CLIP1: variants seen among roughly 807,000 people sequenced by gnomAD.
CLIP1 encodes the protein CAP-Gly domain-containing linker protein 1.
In CLIP1, 66 loss-of-function variants were observed where a neutral mutation model predicts 161.6. That is an observed-to-expected ratio of 0.41 (90% CI 0.33 to 0.50). CLIP1 has a LOEUF of 0.50. Among genes scored for constraint, CLIP1 ranks in the 20% least tolerant of loss-of-function variants. The pLI is 0.27. For synonymous variants in CLIP1, 598 were observed against 626.2 expected, an observed-to-expected ratio of 0.96 and a Z score of 0.67; for missense variants, 1,376 against 1,702.0, an observed-to-expected ratio of 0.81 and a Z score of 3.37.
intron 1 of CLIP1, among the ~76,000 whole-genome samples, chr12:122,382,314 T>C (rs1955041725): frequency 6.6e-6 from 1 of 151,622 alleles, no homozygotes; most frequent in Non-Finnish European, 1.5e-5. Flanking sequence ...TGAGCCCAGG[T>C]TGTGCCATTG....
chr12:122,332,987 C>T lies in CLIP1; in HGVS notation c.2867G>A (p.Arg956Lys). ...CACTCTTTTCAACAGTCACATATAC[C>T]TTTCTTTCAGACGTAATTCATCGTT... ...KMNDELRLKERDVEELQLKLT... is the reference protein window; with the variant it reads ...KMNDELRLKEKDVEELQLKLT... The change falls in exon 15 of 26, where the codon AGA (arginine) becomes AAA (lysine). Residue 956 changes from arginine (R) to lysine (K), a missense_variant and splice_region_variant. Physicochemically the swap from Arg to Lys is conservative, Grantham distance 26. Around this residue, in one of 6 missense-constraint regions of CLIP1, gnomAD observed 948 missense variants for 1,134.8 expected, o/e 0.84. Coordinates refer to ENST00000620786, the MANE Select transcript of CLIP1 (RefSeq NM_001247997.2). The T allele has an allele frequency of 6.2e-7, 1 of 1,612,670 alleles. No homozygotes were observed. The highest frequency in any genetic ancestry group is 8.5e-7 in the Non-Finnish European group (1 of 1,179,448).
At chr12:122,421,534 TCA>T (rs374656824) in intron 1 of CLIP1, among the ~76,000 whole-genome samples, 2 of 152,052 alleles carry the variant, frequency 1.3e-5, no homozygotes, top group African/African-American at 4.8e-5. Context: ...GGCTGCTGAA[TCA>T]CACACACACA....
rs185931363 is a variant in CLIP1, at chr12:122,299,307, G to A, written c.3594+10455C>T. Among the ~76,000 whole-genome samples the A allele has an allele frequency of 4.4e-3, 669 of 152,154 alleles. 4 individuals carry two copies. Among genetic ancestry groups the A allele is most frequent in the South Asian group, 0.029 (138 of 4,820 alleles). On this transcript the variant is annotated intron_variant, in intron 20 of 25. Transcript: ENST00000620786. The stretch of plus-strand genomic sequence containing the variant: ...ACAAAACCCCTCAAAAGCCAGAGAG[G>A]TTAAGAGGATTCTAGAGAAGTCTAG...
intron 1 of CLIP1, among the ~76,000 whole-genome samples, chr12:122,413,475 TA>T (rs1956614791): frequency 6.6e-6 from 1 of 152,146 alleles, no homozygotes; most frequent in Non-Finnish European, 1.5e-5. Context: ...TTTTAAGTGT[TA>T]AAAAGGGGCA....
At chr12:122,309,718 A>T (rs1170711718) in intron 20 of CLIP1, 44 bp downstream of exon 20, 1 of 1,609,726 alleles carries the variant, frequency 6.2e-7, no homozygotes, top group Admixed American at 1.7e-5. Context: ...CAGCAGCAGC[A>T]CCCAGCATGG....
intron 3 of CLIP1, among the ~76,000 whole-genome samples, chr12:122,372,527 C>T (rs971347368): frequency 1.3e-5 from 2 of 150,424 alleles, no homozygotes; most frequent in East Asian, 3.9e-4. Context: ...GCAGAGGATG[C>T]AGTGAACTGA....
chr12:122,412,641 C>A (rs1026546777), intron 1 of CLIP1, among the ~76,000 whole-genome samples: 10 of 151,766 alleles, frequency 6.6e-5, no homozygotes, highest in Non-Finnish European at 1.5e-4. Context: ...GGTGACAGAG[C>A]GAGACTCCGT....
At chr12:122,360,930 G>A in intron 5 of CLIP1, 29 bp downstream of exon 5, 1 of 1,564,496 alleles carries the variant, frequency 6.4e-7, no homozygotes, top group Non-Finnish European at 8.7e-7. Context: ...CCTGGGAAGT[G>A]GAGGCAGGTA....
intron 1 of CLIP1, among the ~76,000 whole-genome samples, chr12:122,391,737 T>C (rs1050370244): frequency 3.3e-5 from 5 of 152,192 alleles, no homozygotes; most frequent in Non-Finnish European, 5.9e-5. Flanking sequence ...CTACCCTTCA[T>C]AAAGTCAAGA....
intron 2 of CLIP1, among the ~76,000 whole-genome samples, chr12:122,379,127 AAAAAC>A (rs1420219621): frequency 1.3e-5 from 2 of 151,636 alleles, no homozygotes; most frequent in Non-Finnish European, 2.9e-5. Flanking sequence ...CTCCGTCTCA[AAAAAC>A]AAAACAAAAC....
chr12:122,332,599 T>C (rs1952027898), intron 15 of CLIP1, among the ~76,000 whole-genome samples: 2 of 152,020 alleles, frequency 1.3e-5, no homozygotes, highest in African/African-American at 4.8e-5. Context: ...TTTTGTATTT[T>C]TAGTGGAGAC....
At chr12:122,301,090 G>A (rs1315634983) in intron 20 of CLIP1, among the ~76,000 whole-genome samples, 1 of 152,046 alleles carries the variant, frequency 6.6e-6, no homozygotes, top group Non-Finnish European at 1.5e-5. Context: ...CAGAGGAATC[G>A]TTCCAGATTA....
rs570069204 is a variant in CLIP1 at position 122,362,303 on chromosome 12, C to T, written c.783-1122G>A. ...AAAAAAAAAATCTACCCAAACTTAA[C>T]TGTAGAGAAATATAAATACAAAATG... On this transcript the variant is annotated intron_variant, in intron 4 of 25. Transcript: ENST00000620786. Among the ~76,000 whole-genome samples the T allele has an allele frequency of 7.0e-4, 106 of 151,404 alleles. 1 individual carries two copies. The highest frequency in any genetic ancestry group is 3.4e-3 in the Middle Eastern group (1 of 292).
chr12:122,279,038 A>G lies in CLIP1; in HGVS notation c.3755T>C (p.Leu1252Pro). 2 of 1,611,622 alleles carry G rather than the reference A, an allele frequency of 1.2e-6. No individual in the cohort carries two copies. Among genetic ancestry groups the G allele is most frequent in the Non-Finnish European group, 1.7e-6 (2 of 1,179,304 alleles). The change falls in exon 22 of 26, where the codon CTG becomes CCG. Residue 1252 changes from leucine to proline, a missense_variant. Leu to Pro is a moderately conservative substitution (Grantham distance 98). Around this residue, in one of 6 missense-constraint regions of CLIP1, gnomAD observed 948 missense variants for 1,134.8 expected, o/e 0.84. Transcript: ENST00000620786. This position sits in a 1 kb window ranked among gnomAD's most constrained non-coding sequence, Gnocchi z 4.5. ...TGGGTGGTACTCTACCTCATTTCTC[A>G]GTTTCTCCAGCTCGGCATCCTTTTC... ...LTEKDAELEK[L>P]RNEVTVLRGE...
At chr12:122,356,908 G>A (rs571263289) in intron 5 of CLIP1, among the ~76,000 whole-genome samples, 1 of 152,376 alleles carries the variant, frequency 6.6e-6, no homozygotes, top group African/African-American at 2.4e-5. Context: ...CCGAGGTGCC[G>A]AGATTGCAGA....
chr12:122,387,771 G>T (rs28546900), intron 1 of CLIP1, among the ~76,000 whole-genome samples: 18 of 150,918 alleles, frequency 1.2e-4, no homozygotes, highest in African/African-American at 4.1e-4. Context: ...TTTTTTTGTA[G>T]AAGTGCGGTC....
At chr12:122,418,221 C>T (rs532994796) in intron 1 of CLIP1, among the ~76,000 whole-genome samples, 5 of 152,234 alleles carry the variant, frequency 3.3e-5, no homozygotes, top group South Asian at 4.1e-4. Flanking sequence ...ACCTGGCACA[C>T]GGTACATGCT....
chr12:122,307,128 T>C (rs376754869), intron 20 of CLIP1, among the ~76,000 whole-genome samples: 2 of 150,302 alleles, frequency 1.3e-5, no homozygotes, highest in Non-Finnish European at 1.5e-5. Context: ...TCTCCCTCAG[T>C]ATCCCGAGTA....
rs189729791 is a variant in CLIP1, at chr12:122,394,260, C to T, written c.-106-13702G>A. On this transcript the variant is annotated intron_variant, in intron 1 of 25. Coordinates refer to ENST00000620786, the MANE Select transcript of CLIP1 (RefSeq NM_001247997.2). ...ATCCCAGTACTTTGGGAGACTGAGG[C>T]GGGCGGATCACTTGAGGTGAGTTTG... Among the ~76,000 whole-genome samples the T allele has an allele frequency of 2.0e-3, 303 of 151,980 alleles. 1 individual carries two copies. Among genetic ancestry groups the T allele is most frequent in the African/African-American group, 6.8e-3 (281 of 41,472 alleles).
Sources: gnomAD v4.1 joint callset for allele counts (sites outside exome capture counted in the v4.1 genomes callset) on GRCh38, gnomAD v4.1.1 for gene constraint, gnomAD v4.1.1 regional missense constraint, Gnocchi (gnomAD v3.1) non-coding constraint, MANE v1.5 for transcripts, NCBI Gene and HGNC (gene_info 2026-07-23, HGNC 2026-07-21) for gene names.